Variants in MYH2 observed in about 807,000 individuals in gnomAD.
MYH2 encodes the protein myosin heavy chain 2.
In MYH2, 139 loss-of-function variants were observed where a neutral mutation model predicts 228.1. The observed-to-expected ratio is 0.61, with a 90% CI of 0.53 to 0.70. The LOEUF is 0.70. Ranked by LOEUF, MYH2 falls within the 30% of genes least tolerant of loss-of-function variation. MYH2 has a pLI of 0.00. For missense variants in MYH2, 1,809 were observed against 2,357.5 expected (o/e 0.77, Z 4.82); for synonymous variants, 796 against 871.1 (o/e 0.91, Z 1.52).
At chr17:10,523,723 C>T in intron 36 of MYH2, 36 bp downstream of exon 36, 4 of 1,614,224 alleles carry the variant, frequency 2.5e-6, no homozygotes, top group Non-Finnish European at 3.4e-6. Flanking sequence ...GGAAATCTTA[C>T]TGCTAAATCA....
rs1221448818 is a variant in MYH2 at position 10,521,310 on chromosome 17, C to T, written c.5796G>A (p.Glu1932=). ...QVNKLRVKSR[E]VHTKVISEE ...CTTCACTTATGACTTTTGTGTGAACCTCCCGGCTCTTCACCCGCAGTTTGT... is the reference window on the plus strand; with the variant it reads ...CTTCACTTATGACTTTTGTGTGAACTTCCCGGCTCTTCACCCGCAGTTTGT... The change falls in exon 40 of 40, where the codon GAG becomes GAA. Residue 1932 remains glutamate, a synonymous_variant. Coordinates refer to ENST00000245503, the MANE Select transcript of MYH2 (RefSeq NM_017534.6). The T allele has an allele frequency of 1.2e-6, 2 of 1,613,948 alleles. No homozygotes were observed. Among genetic ancestry groups the T allele is most frequent in the Middle Eastern group, 1.7e-4 (1 of 6,008 alleles).
intron 5 of MYH2, among the ~76,000 whole-genome samples, chr17:10,544,832 G>A (rs1412195016): frequency 6.6e-6 from 1 of 152,152 alleles, no homozygotes; most frequent in Non-Finnish European, 1.5e-5. Flanking sequence ...TAAATCTGGA[G>A]CCTGTTCAGG....
At chr17:10,522,287 T>C (rs537554223) in intron 39 of MYH2, among the ~76,000 whole-genome samples, 134 of 152,320 alleles carry the variant, frequency 8.8e-4, no homozygotes, top group African/African-American at 3.1e-3. Context: ...AAATCATCAA[T>C]TTTTTTCAGG....
intron 16 of MYH2, 87 bp from the exon 17 acceptor site, chr17:10,536,693 G>T (rs985631365): frequency 7.7e-7 from 1 of 1,298,206 alleles, no homozygotes; most frequent in Non-Finnish European, 1.1e-6. Context: ...TCATCGAGTG[G>T]AGCCTTTTTT....
In MYH2 at chr17:10,533,425, T is replaced by C. The variant is rs543377427; in HGVS notation, c.2305-4A>G. The C allele has an allele frequency of 6.2e-7, 1 of 1,614,114 alleles. No individual in the cohort carries two copies. The highest frequency in any genetic ancestry group is 1.1e-5 in the South Asian group (1 of 91,076). On this transcript the variant is annotated splice_region_variant and splice_polypyrimidine_tract_variant and intron_variant, in intron 20 of 39. Transcript: ENST00000245503. Reference sequence around the variant, plus strand: ...GAAGACCAGCTTTGAAAAAGACCTGTGAATGGAAAGAGTTGCAAATCACAA... The same window carrying C: ...GAAGACCAGCTTTGAAAAAGACCTGCGAATGGAAAGAGTTGCAAATCACAA...
intron 27 of MYH2, 102 bp downstream of exon 27, chr17:10,528,588 T>A: frequency 6.5e-7 from 1 of 1,541,700 alleles, no homozygotes; most frequent in Non-Finnish European, 8.9e-7. Context: ...CCTGAATTAC[T>A]GCAGTTAACA....
chr17:10,548,652 A>G (rs1398555635), intron 2 of MYH2, among the ~76,000 whole-genome samples: 1 of 152,190 alleles, frequency 6.6e-6, no homozygotes, highest in Non-Finnish European at 1.5e-5. Flanking sequence ...AATTAGGGAT[A>G]AAAACAGTAG....
At chr17:10,545,288 T>G in intron 5 of MYH2, 58 bp downstream of exon 5, 3 of 1,611,786 alleles carry the variant, frequency 1.9e-6, no homozygotes. Flanking sequence ...TCGAGTCTCT[T>G]TCTCCTATGG....
chr17:10,546,055 TA>T (rs1194644934), intron 4 of MYH2, among the ~76,000 whole-genome samples: 1 of 151,820 alleles, frequency 6.6e-6, no homozygotes, highest in Non-Finnish European at 1.5e-5. Flanking sequence ...TTTGCAGCAT[TA>T]AGATAATTCA....
At position 10,547,563 on chromosome 17, in the gene MYH2, T is replaced by C. The variant is rs760499656; in HGVS notation, c.260A>G (p.Lys87Arg). The C allele has an allele frequency of 3.7e-6, 6 of 1,614,168 alleles. No individual in the cohort carries two copies. Among genetic ancestry groups the C allele is most frequent in the South Asian group, 2.2e-5 (2 of 91,078 alleles). ...AGTCATCATGGCCATATCCTCGATC[T>C]TGTCATATTTGGGAGGGTTCATGGG... is the stretch of plus-strand genomic sequence containing the variant. Reference protein sequence around the residue: ...VFPMNPPKYDKIEDMAMMTHL... With the variant: ...VFPMNPPKYDRIEDMAMMTHL... The change falls in exon 4 of 40, where the codon AAG becomes AGG. Residue 87 changes from lysine to arginine, a missense_variant. Lys to Arg is a conservative substitution (Grantham distance 26). This residue lies in a region of MYH2 where 373 missense variants were observed against 620.4 expected (regional missense o/e 0.60). Coordinates refer to ENST00000245503, the MANE Select transcript of MYH2 (RefSeq NM_017534.6).
In MYH2 at chr17:10,525,338, A is replaced by G. The variant is rs756743951; in HGVS notation, c.4548T>C (p.Ser1516=). 2.5e-6 allele frequency: 4 copies of G among 1,614,180 alleles called. No individual in the cohort carries two copies. Among genetic ancestry groups the G allele is most frequent in the Non-Finnish European group, 3.4e-6 (4 of 1,180,026 alleles). The change falls in exon 33 of 40, where the codon TCT becomes TCC. Residue 1516 remains serine (S), a synonymous_variant. Coordinates refer to ENST00000245503, the MANE Select transcript of MYH2 (RefSeq NM_017534.6). The surrounding 1 kb of genome is among the most constrained non-coding windows in gnomAD (Gnocchi z 4.2). ...RENKNLQQEI[S]DLTEQIAEGG... ...CTTCTGCAATCTGTTCCGTGAGGTC[A>G]GAAATCTCCTCTGTTGTTTGAGTAA...
Position 10,543,887 on chromosome 17 carries a change from G to A in MYH2, c.648+15C>T. 2 of 1,614,022 alleles carry A rather than the reference G, an allele frequency of 1.2e-6. No homozygotes were observed. Among genetic ancestry groups the A allele is most frequent in the Non-Finnish European group, 1.7e-6 (2 of 1,179,862 alleles). The stretch of plus-strand genomic sequence containing the variant: ...CCGACAGAGTCTGGATTCTGACTGT[G>A]ACAATCAGACTCACCTGTATTTTGC... On this transcript the variant is annotated intron_variant, in intron 7 of 39. Transcript: ENST00000245503.
At chr17:10,545,011 A>G (rs201898780) in intron 5 of MYH2, among the ~76,000 whole-genome samples, 13 of 112,104 alleles carry the variant, frequency 1.2e-4, no homozygotes, top group East Asian at 1.2e-3. Flanking sequence ...TTGTGCGTGC[A>G]TGAGTGTGTG....
Position 10,524,574 on chromosome 17 carries a change from A to G in MYH2, c.5067T>C (p.Ala1689=), listed in dbSNP as rs2142292018. The G allele has an allele frequency of 6.2e-7, 1 of 1,614,136 alleles. No homozygotes were observed. The highest frequency in any genetic ancestry group is 1.7e-5 in the Admixed American group (1 of 60,026). The change falls in exon 35 of 40, where the codon GCT becomes GCC. Residue 1689 remains alanine (A), a synonymous_variant. Coordinates refer to ENST00000245503, the MANE Select transcript of MYH2 (RefSeq NM_017534.6). The surrounding 1 kb of genome is among the most constrained non-coding windows in gnomAD (Gnocchi z 4.7). ...MVERRANLLQ[A]EIEELRATLE... ...GAGTGGCCCGCAGCTCCTCGATCTC[A>G]GCCTGCAGCAGGTTGGCTCTGCGCT...
At position 10,521,308 on chromosome 17, in the gene MYH2, A is replaced by C; in HGVS notation, c.5798T>G (p.Val1933Gly). ...CTCTTCACTTATGACTTTTGTGTGA[A>C]CCTCCCGGCTCTTCACCCGCAGTTT... Reference protein sequence around the residue: ...VNKLRVKSREVHTKVISEE With the variant: ...VNKLRVKSREGHTKVISEE The change falls in exon 40 of 40, where the codon GTT becomes GGT. Residue 1933 changes from valine (V) to glycine (G), a missense_variant. Physicochemically the swap from Val to Gly is moderately radical, Grantham distance 109. Transcript: ENST00000245503. 6.2e-7 allele frequency: 1 copy of C among 1,613,888 alleles called. No homozygotes were observed. Among genetic ancestry groups the C allele is most frequent in the Non-Finnish European group, 8.5e-7 (1 of 1,179,990 alleles).
chr17:10,539,287 C>G lies in MYH2; in HGVS notation c.1334G>C (p.Arg445Pro). The G allele has an allele frequency of 6.2e-7, 1 of 1,614,192 alleles. No homozygotes were observed. Among genetic ancestry groups the G allele is most frequent in the South Asian group, 1.1e-5 (1 of 91,090 alleles). Residue 445 changes from arginine (R) to proline (P), a missense_variant, in exon 14 of 40, where the codon CGC becomes CCC. Arg to Pro is a moderately radical substitution (Grantham distance 103). Around this residue, in one of 9 missense-constraint regions of MYH2, gnomAD observed 373 missense variants for 620.4 expected, o/e 0.60. Transcript: ENST00000245503. ...YEKMFLWMVA[R>P]INQQLDTKQP... ...CTTGGTGTCCAGCTGCTGGTTGATG[C>G]GGGCAACCATCCACAGGAACATCTT...
At position 10,525,788 on chromosome 17, in the gene MYH2, G is replaced by A. The variant is rs773071482; in HGVS notation, c.4276C>T (p.Arg1426Trp). 12 of 1,614,142 alleles carry A rather than the reference G, an allele frequency of 7.4e-6. No homozygotes were observed. Among genetic ancestry groups the A allele is most frequent in the East Asian group, 2.2e-5 (1 of 44,884 alleles). The change falls in exon 31 of 40, where the codon CGG becomes TGG. Residue 1426 changes from arginine (R) to tryptophan (W), a missense_variant. This residue lies in a region of MYH2 where 636 missense variants were observed against 729.9 expected (regional missense o/e 0.87). Transcript: ENST00000245503. The surrounding 1 kb of genome is among the most constrained non-coding windows in gnomAD (Gnocchi z 4.2). ...KCASLEKTKQ[R>W]LQNEVEDLML... ...AGGTCCTCGACCTCATTCTGCAGCC[G>A]CTGCTTCGTCTTTTCGAGGGAAGCA...
chr17:10,521,318 T>C lies in MYH2; in HGVS notation c.5788A>G (p.Ser1930Gly). ...ESQVNKLRVK[S>G]REVHTKVISE... is the part of the protein sequence containing the mutation. ...ATGACTTTTGTGTGAACCTCCCGGC[T>C]CTTCACCCGCAGTTTGTTCACCTGG... The change falls in exon 40 of 40, where the codon AGC becomes GGC. Residue 1930 changes from serine (S) to glycine (G), a missense_variant. Coordinates refer to ENST00000245503, the MANE Select transcript of MYH2 (RefSeq NM_017534.6). The C allele has an allele frequency of 6.2e-7, 1 of 1,614,160 alleles. No individual in the cohort carries two copies. Among genetic ancestry groups the C allele is most frequent in the East Asian group, 2.2e-5 (1 of 44,870 alleles).
Position 10,533,356 on chromosome 17 carries a change from C to G in MYH2, c.2370G>C (p.Leu790=). 1.2e-6 allele frequency: 2 copies of G among 1,614,230 alleles called. No homozygotes were observed. The highest frequency in any genetic ancestry group is 1.7e-6 in the Non-Finnish European group (2 of 1,180,030). Residue 790 remains leucine (L), a synonymous_variant, in exon 21 of 40, where the codon CTG becomes CTC. Transcript: ENST00000245503. The part of the protein sequence containing the change: ...EEMRDDKLAQ[L]ITRTQARCRG... Reference sequence around the variant, plus strand: ...TGCACCTGGCCTGGGTTCGGGTAATCAGCTGGGCCAGCTTGTCATCTCGCA... The same window carrying G: ...TGCACCTGGCCTGGGTTCGGGTAATGAGCTGGGCCAGCTTGTCATCTCGCA...
Sources: gnomAD v4.1 joint callset for allele counts (sites outside exome capture counted in the v4.1 genomes callset) on GRCh38, gnomAD v4.1.1 for gene constraint, gnomAD v4.1.1 regional missense constraint, Gnocchi (gnomAD v3.1) non-coding constraint, MANE v1.5 for transcripts, NCBI Gene and HGNC (gene_info 2026-07-23, HGNC 2026-07-21) for gene names.